DPH6: variants seen among roughly 807,000 people sequenced by gnomAD.
DPH6 encodes the protein diphthine--ammonia ligase.
Under a neutral mutation model 38.2 loss-of-function variants are expected in DPH6, and 33 were observed. The ratio of observed to expected loss-of-function variants is 0.86; its 90% CI spans 0.65 to 1.15. DPH6 has a LOEUF of 1.15. Ranked by LOEUF, DPH6 falls within the 50% of genes most tolerant of loss-of-function variation. The probability of loss-of-function intolerance (pLI) is 0.00; values close to 1 mark genes in which losing one functional copy is unlikely to be tolerated. For missense variants in DPH6, 325 were observed against 320.0 expected (o/e 1.02, Z -0.12); for synonymous variants, 108 against 103.0 (o/e 1.05, Z -0.30).
intron 3 of DPH6, among the ~76,000 whole-genome samples, chr15:35,526,331 T>A (rs2055001485): frequency 1.3e-5 from 2 of 152,126 alleles, no homozygotes; most frequent in African/African-American, 2.4e-5. Flanking sequence ...GACAAATAAA[T>A]GTCTGATAGT....
chr15:35,511,229 C>T (rs1398336595), intron 3 of DPH6, among the ~76,000 whole-genome samples: 1 of 151,900 alleles, frequency 6.6e-6, no homozygotes, highest in Non-Finnish European at 1.5e-5. Flanking sequence ...CACCAAGAGA[C>T]ATAAAACAGT....
intron 3 of DPH6, among the ~76,000 whole-genome samples, chr15:35,321,093 A>C (rs1424767204): frequency 6.6e-6 from 1 of 152,248 alleles, no homozygotes; most frequent in Non-Finnish European, 1.5e-5. Context: ...CTGGGCAGTA[A>C]GGGATTATAG....
chr15:35,455,985 G>A (rs562477779), intron 3 of DPH6, among the ~76,000 whole-genome samples: 4 of 152,212 alleles, frequency 2.6e-5, no homozygotes, highest in African/African-American at 9.6e-5. Flanking sequence ...TGCAAAAAAG[G>A]AATTTTTTAT....
chr15:35,349,306 G>A (rs1217050726), intron 3 of DPH6, among the ~76,000 whole-genome samples: 1 of 152,074 alleles, frequency 6.6e-6, no homozygotes, highest in African/African-American at 2.4e-5. Flanking sequence ...TTCATATATG[G>A]CCTTTACCAT....
chr15:35,261,901 C>T lies in DPH6; in HGVS notation n.201-41319G>A, dbSNP rs566718845. 2.6e-5 allele frequency among the ~76,000 whole-genome samples: 4 copies of T among 151,776 alleles called. No homozygotes were observed. In the South Asian group the frequency reaches 8.3e-4, roughly 32 times the overall value. On this transcript the variant is annotated intron_variant and non_coding_transcript_variant, in intron 3 of 3. Transcript: ENST00000560386. ...ATGGAAATTTTAAGTTAGAGTGGTC[C>T]AAAACATAGATTAAAATAGTTTCAC...
chr15:35,457,315 T>C (rs1595381588), intron 3 of DPH6, among the ~76,000 whole-genome samples: 4 of 152,014 alleles, frequency 2.6e-5, no homozygotes, highest in Non-Finnish European at 5.9e-5. Flanking sequence ...AAACTCTGAC[T>C]ATTCTTCAAC....
chr15:35,509,592 T>A (rs1474209676), intron 3 of DPH6, among the ~76,000 whole-genome samples: 1 of 152,158 alleles, frequency 6.6e-6, no homozygotes, highest in Non-Finnish European at 1.5e-5. Flanking sequence ...GCTTTTTAAA[T>A]GTAGGCTGAC....
At chr15:35,272,031 A>G (rs1201293652) in intron 3 of DPH6, among the ~76,000 whole-genome samples, 1 of 152,220 alleles carries the variant, frequency 6.6e-6, no homozygotes, top group Non-Finnish European at 1.5e-5. Flanking sequence ...GTTTGTGAAC[A>G]TTAAAGACAA....
intron 3 of DPH6, among the ~76,000 whole-genome samples, chr15:35,233,576 C>T (rs971952040): frequency 9.2e-5 from 14 of 152,104 alleles, no homozygotes; most frequent in Admixed American, 4.6e-4. Flanking sequence ...CTCCAGTGGC[C>T]TAAAGAACCC....
Position 35,372,117 on chromosome 15 carries a change from G to A in DPH6, c.*33C>T. 6.7e-7 allele frequency: 1 copy of A among 1,496,478 alleles called. No individual in the cohort carries two copies. Among genetic ancestry groups the A allele is most frequent in the Non-Finnish European group, 8.9e-7 (1 of 1,126,054 alleles). The allele number at this position is 1,496,478 out of a possible 1,614,324, so 92.7% of individuals were successfully genotyped here. On this transcript the variant is annotated 3_prime_UTR_variant, in exon 9 of 9. Coordinates refer to ENST00000256538, the MANE Select transcript of DPH6 (RefSeq NM_080650.4). ...CTATGCAATTTTTTTGTATAGAAAT[G>A]GTGGTTTAATGAACAATGTTCCAAA...
chr15:35,385,925 C>G (rs2052947689), intron 6 of DPH6, among the ~76,000 whole-genome samples: 1 of 151,730 alleles, frequency 6.6e-6, no homozygotes, highest in Non-Finnish European at 1.5e-5. Context: ...ATACATGTGC[C>G]ATGTTGGTGT....
At chr15:35,262,701 G>A (rs1477377826) in intron 3 of DPH6, among the ~76,000 whole-genome samples, 5 of 91,394 alleles carry the variant, frequency 5.5e-5, no homozygotes, top group Admixed American at 2.8e-4. Context: ...GCAAGACTCC[G>A]TCTCAAAAAA....
At chr15:35,174,962 C>A in the DPH6 span, among the ~76,000 whole-genome samples, 3 of 152,124 alleles carry the variant, frequency 2.0e-5, no homozygotes, top group Admixed American at 2.0e-4. Context: ...TTTATTTAAA[C>A]ATCTGTATTT....
rs1793355630 is a variant in DPH6 at position 35,471,188 on chromosome 15, CT to C, written c.313-16369del. Among the ~76,000 whole-genome samples, 3 of 152,266 alleles carry C rather than the reference CT, an allele frequency of 2.0e-5. No homozygotes were observed. In the South Asian group the frequency reaches 6.2e-4, roughly 32 times the overall value. ...AAATACTATTTATTTCTCCCTTACC[CT>C]TCTGTGCTTCCTCATTTCTCTATTT... On this transcript the variant is annotated intron_variant, in intron 3 of 8. Transcript: ENST00000256538.
intron 3 of DPH6, among the ~76,000 whole-genome samples, chr15:35,334,138 A>T (rs1387159097): frequency 6.6e-6 from 1 of 152,122 alleles, no homozygotes; most frequent in Admixed American, 6.6e-5. Flanking sequence ...AAAATGGAAG[A>T]GGGAAGGATA....
intron 3 of DPH6, among the ~76,000 whole-genome samples, chr15:35,517,514 G>A (rs2141229078): frequency 6.6e-6 from 1 of 152,096 alleles, no homozygotes; most frequent in South Asian, 2.1e-4. Flanking sequence ...ACTGTAACTG[G>A]TCATTATTTT....
the DPH6 span, among the ~76,000 whole-genome samples, chr15:35,192,761 A>G: frequency 6.6e-6 from 1 of 152,218 alleles, no homozygotes; most frequent in Non-Finnish European, 1.5e-5. Context: ...TTATAGTAAC[A>G]CCATACAATT....
At chr15:35,217,156 G>A (rs1358820639), downstream of DPH6, among the ~76,000 whole-genome samples, 1 of 152,154 alleles carries the variant, frequency 6.6e-6, no homozygotes, top group African/African-American at 2.4e-5. Context: ...GCTAACAAAT[G>A]TAACTAGTTA....
chr15:35,419,520 G>A (rs2053478455), intron 5 of DPH6, among the ~76,000 whole-genome samples: 1 of 152,036 alleles, frequency 6.6e-6, no homozygotes, highest in Admixed American at 6.6e-5. Context: ...GGATGAAAAA[G>A]TGAGCACCAA....
Sources: gnomAD v4.1 joint callset for allele counts (sites outside exome capture counted in the v4.1 genomes callset) on GRCh38, gnomAD v4.1.1 for gene constraint, MANE v1.5 for transcripts, NCBI Gene and HGNC (gene_info 2026-07-23, HGNC 2026-07-21) for gene names.